Variants in SHISAL1 observed in about 807,000 individuals in gnomAD.
The protein encoded by SHISAL1 is protein shisa-like-1.
In SHISAL1, 9 loss-of-function variants were observed where a neutral mutation model predicts 22.6. The observed-to-expected ratio is 0.40, with a 90% confidence interval of 0.24 to 0.70. The LOEUF is 0.70. Among genes scored for constraint, SHISAL1 ranks in the 30% least tolerant of loss-of-function variants. The pLI is 0.39. For synonymous variants in SHISAL1, 119 were observed against 115.4 expected, an observed-to-expected ratio of 1.03 and a Z score of -0.20; for missense variants, 246 against 270.6, an observed-to-expected ratio of 0.91 and a Z score of 0.64.
chr22:44,322,107 A>G, the SHISAL1 span, among the ~76,000 whole-genome samples: 3 of 152,206 alleles, frequency 2.0e-5, no homozygotes, highest in Admixed American at 1.3e-4. Context: ...ACCAGGTCCA[A>G]ATCCTGGCTT....
At chr22:44,269,350 A>G (rs2055189114) in intron 4 of SHISAL1, among the ~76,000 whole-genome samples, 1 of 150,074 alleles carries the variant, frequency 6.7e-6, no homozygotes, top group African/African-American at 2.5e-5. Context: ...ACACCATGTC[A>G]CACAGATGCA....
intron 4 of SHISAL1, among the ~76,000 whole-genome samples, chr22:44,259,663 G>C (rs776610501): frequency 6.6e-6 from 1 of 152,000 alleles, no homozygotes; most frequent in Non-Finnish European, 1.5e-5. Flanking sequence ...AGCTGAGAAG[G>C]AAAAGGACTT....
chr22:44,252,056 CTG>C (rs935803615), intron 4 of SHISAL1, among the ~76,000 whole-genome samples: 1 of 152,162 alleles, frequency 6.6e-6, no homozygotes. Flanking sequence ...ATTTGTGTAA[CTG>C]TAGGACTATT....
intron 3 of SHISAL1, among the ~76,000 whole-genome samples, chr22:44,296,344 G>A (rs1569222155): frequency 6.6e-6 from 1 of 152,178 alleles, no homozygotes; most frequent in Non-Finnish European, 1.5e-5. Flanking sequence ...ATTTTTAGTA[G>A]AGATGGGGTT....
chr22:44,323,101 T>TCCAC, the SHISAL1 span, among the ~76,000 whole-genome samples: 1 of 132,718 alleles, frequency 7.5e-6, no homozygotes, highest in Non-Finnish European at 1.6e-5. Flanking sequence ...CATCCATCCA[T>TCCAC]CCACCCATCT....
intron 3 of SHISAL1, among the ~76,000 whole-genome samples, chr22:44,292,766 G>A (rs1235197846): frequency 6.6e-6 from 1 of 152,214 alleles, no homozygotes; most frequent in African/African-American, 2.4e-5. Context: ...AGCTCCCTGG[G>A]CTTGGGTCCT....
chr22:44,266,523 G>C (rs930587845), intron 4 of SHISAL1, among the ~76,000 whole-genome samples: 1 of 72,552 alleles, frequency 1.4e-5, no homozygotes, highest in Non-Finnish European at 3.3e-5. Context: ...TGGGGGCTTT[G>C]GGGTATGTGT....
intron 4 of SHISAL1, among the ~76,000 whole-genome samples, chr22:44,269,655 C>T (rs1390124957): frequency 6.6e-6 from 1 of 151,280 alleles, no homozygotes; most frequent in African/African-American, 2.4e-5. Context: ...AACACACACA[C>T]AATGTCACAT....
At chr22:44,252,662 G>A (rs2055056358) in intron 4 of SHISAL1, among the ~76,000 whole-genome samples, 1 of 149,470 alleles carries the variant, frequency 6.7e-6, no homozygotes. Context: ...CACAAACAAA[G>A]GCACTGAAGG....
chr22:44,280,733 G>C (rs1167093459), intron 4 of SHISAL1, among the ~76,000 whole-genome samples: 1 of 105,696 alleles, frequency 9.5e-6, no homozygotes, highest in African/African-American at 3.1e-5. Context: ...GTCCCAGGAG[G>C]ATGTCAGCCC....
intron 4 of SHISAL1, among the ~76,000 whole-genome samples, chr22:44,274,370 C>T (rs1416845907): frequency 5.9e-5 from 9 of 152,206 alleles, no homozygotes; most frequent in South Asian, 4.2e-4. Flanking sequence ...GCGCTGGAAT[C>T]GAGACCCATA....
At chr22:44,264,570 T>C (rs542553840) in intron 4 of SHISAL1, among the ~76,000 whole-genome samples, 1 of 152,234 alleles carries the variant, frequency 6.6e-6, no homozygotes, top group African/African-American at 2.4e-5. Flanking sequence ...GTAGTCACTC[T>C]CAGGGGATGT....
chr22:44,299,390 C>T (rs555714892), intron 2 of SHISAL1, among the ~76,000 whole-genome samples: 6 of 152,362 alleles, frequency 3.9e-5, no homozygotes, highest in Admixed American at 1.3e-4. Flanking sequence ...TCGGGCAGGC[C>T]GCTTTCCTTC....
chr22:44,244,992 G>T lies in SHISAL1; in HGVS notation c.*4693C>A, dbSNP rs1279362653. The T allele has an allele frequency of 6.6e-6, 1 of 152,318 alleles. No homozygotes were observed. The highest frequency in any genetic ancestry group is 2.4e-5 in the African/African-American group (1 of 41,466). 9.4% of individuals were successfully genotyped at this position (152,318 alleles called of 1,614,324 possible). Reference sequence around the variant, plus strand: ...GCATCTGGCACATAGTAAGTGCGCAGGCTTGTCTTCCAGAGGGCACAGGGT... The same window carrying T: ...GCATCTGGCACATAGTAAGTGCGCATGCTTGTCTTCCAGAGGGCACAGGGT... On this transcript the variant is annotated 3_prime_UTR_variant, in exon 5 of 5. Coordinates refer to ENST00000381176, the MANE Select transcript of SHISAL1 (RefSeq NM_001099294.2).
At chr22:44,286,131 G>C (rs1488281476) in intron 3 of SHISAL1, among the ~76,000 whole-genome samples, 1 of 152,158 alleles carries the variant, frequency 6.6e-6, no homozygotes, top group African/African-American at 2.4e-5. Flanking sequence ...CCTTCCTGCA[G>C]GTGCCCCTGC....
At chr22:44,291,916 A>G (rs898459843) in intron 3 of SHISAL1, among the ~76,000 whole-genome samples, 21 of 152,054 alleles carry the variant, frequency 1.4e-4, no homozygotes, top group African/African-American at 5.1e-4. Flanking sequence ...GAAGGAGGGC[A>G]GTACACTTCT....
At chr22:44,312,037 C>T (rs1315535291) in intron 1 of SHISAL1, among the ~76,000 whole-genome samples, 1 of 152,128 alleles carries the variant, frequency 6.6e-6, no homozygotes, top group East Asian at 1.9e-4. Context: ...GTGGGGGTGG[C>T]TCTGGGTTTC....
intron 3 of SHISAL1, among the ~76,000 whole-genome samples, chr22:44,292,958 C>T (rs2055362780): frequency 6.6e-6 from 1 of 152,226 alleles, no homozygotes; most frequent in Non-Finnish European, 1.5e-5. Flanking sequence ...AGCCTCAAGC[C>T]ATTTAAGGCC....
At chr22:44,318,303 G>A in the SHISAL1 span, among the ~76,000 whole-genome samples, 1 of 152,388 alleles carries the variant, frequency 6.6e-6, no homozygotes, top group African/African-American at 2.4e-5. Flanking sequence ...TCTAATTAGT[G>A]TGCTGTTGCT....
Sources: gnomAD v4.1 joint callset for allele counts (sites outside exome capture counted in the v4.1 genomes callset) on GRCh38, gnomAD v4.1.1 for gene constraint, MANE v1.5 for transcripts, NCBI Gene and HGNC (gene_info 2026-07-23, HGNC 2026-07-21) for gene names.